EYA4: variants seen among roughly 807,000 people sequenced by gnomAD.
EYA4 encodes the protein protein phosphatase EYA4.
Under a neutral mutation model 87.9 loss-of-function variants are expected in EYA4, and 31 were observed. The observed-to-expected ratio is 0.35, with a 90% CI of 0.27 to 0.48. The LOEUF (loss-of-function observed/expected upper bound fraction) is 0.48. Among genes scored for constraint, EYA4 ranks in the 20% least tolerant of loss-of-function variants. EYA4 has a pLI of 0.99. For missense variants in EYA4, 678 were observed against 761.4 expected (o/e 0.89, Z 1.29); for synonymous variants, 263 against 270.6 (o/e 0.97, Z 0.28).
At chr6:133,249,359 C>T (rs773142766) in intron 1 of EYA4, among the ~76,000 whole-genome samples, 26 of 152,150 alleles carry the variant, frequency 1.7e-4, no homozygotes, top group Non-Finnish European at 2.5e-4. Context: ...CCTGGGGGCC[C>T]ATTCTGGACT....
At chr6:133,443,070 C>T (rs1302458240) in intron 3 of EYA4, among the ~76,000 whole-genome samples, 1 of 151,558 alleles carries the variant, frequency 6.6e-6, no homozygotes, top group East Asian at 1.9e-4. Flanking sequence ...AATATATATC[C>T]ATATTTTCTT....
At chr6:133,404,190 T>G (rs1788505928) in intron 3 of EYA4, among the ~76,000 whole-genome samples, 1 of 152,174 alleles carries the variant, frequency 6.6e-6, no homozygotes, top group Non-Finnish European at 1.5e-5. Flanking sequence ...GTTCACTTAT[T>G]TTTCTCAGTT....
chr6:133,468,845 G>A, intron 11 of EYA4, 114 bp downstream of exon 11: 2 of 1,054,406 alleles, frequency 1.9e-6, no homozygotes, highest in South Asian at 2.6e-5. Context: ...TTGTGCTGAT[G>A]TTTAATCTGT....
Position 133,523,138 on chromosome 6 carries a change from G to A in EYA4, c.1699G>A (p.Ala567Thr). 2 of 1,612,304 alleles carry A rather than the reference G, an allele frequency of 1.2e-6. No individual in the cohort carries two copies. The highest frequency in any genetic ancestry group is 1.7e-6 in the Non-Finnish European group (2 of 1,178,616). ...AKVLLYSLGG[A>T]FPIENIYSAT... Reference sequence around the variant, plus strand: ...GGTTCTACTCTATAGTTTAGGAGGTGCTTTCCCCATTGAGAATATTTACAG... The same window carrying A: ...GGTTCTACTCTATAGTTTAGGAGGTACTTTCCCCATTGAGAATATTTACAG... The change falls in exon 18 of 20, where the codon GCT (alanine) becomes ACT (threonine). Residue 567 changes from alanine to threonine, a missense_variant. By Grantham distance (58) the Ala-to-Thr change is moderately conservative. Coordinates refer to ENST00000355286, the MANE Select transcript of EYA4 (RefSeq NM_004100.5).
intron 13 of EYA4, among the ~76,000 whole-genome samples, chr6:133,487,066 A>C (rs1255299956): frequency 6.6e-6 from 1 of 152,186 alleles, no homozygotes; most frequent in Non-Finnish European, 1.5e-5. Flanking sequence ...GCACAGAGAG[A>C]GAATCTGTGC....
chr6:133,289,516 A>G (rs987361347), intron 2 of EYA4, among the ~76,000 whole-genome samples: 10 of 152,190 alleles, frequency 6.6e-5, no homozygotes, highest in African/African-American at 2.2e-4. Context: ...TTGAAAATTT[A>G]TTTTATTTTG....
chr6:133,478,690 C>G (rs143458821), intron 11 of EYA4, among the ~76,000 whole-genome samples: 72 of 152,192 alleles, frequency 4.7e-4, no homozygotes, highest in African/African-American at 1.6e-3. Context: ...ATATTTTGTC[C>G]AAATTCTTAG....
chr6:133,445,035 C>T (rs1188021258), intron 3 of EYA4, among the ~76,000 whole-genome samples: 2 of 151,964 alleles, frequency 1.3e-5, no homozygotes, highest in Non-Finnish European at 2.9e-5. Context: ...CTTTTTTTGG[C>T]TTCTTGGGGT....
intron 1 of EYA4, among the ~76,000 whole-genome samples, chr6:133,261,006 T>G (rs1775758749): frequency 6.6e-6 from 1 of 152,244 alleles, no homozygotes; most frequent in Admixed American, 6.5e-5. Context: ...CAATTTCTCA[T>G]GAATTAAGGT....
At chr6:133,464,701 AC>A in intron 9 of EYA4, 77 bp from the exon 10 acceptor site, 1 of 936,986 alleles carries the variant, frequency 1.1e-6, no homozygotes, top group East Asian at 2.5e-5. Context: ...TGTTTCTCTC[AC>A]AGAATTCTGC....
At chr6:133,299,927 C>CTATATATATA (rs1562263780) in intron 2 of EYA4, among the ~76,000 whole-genome samples, 11 of 76,132 alleles carry the variant, frequency 1.4e-4, no homozygotes, top group African/African-American at 5.6e-4. Flanking sequence ...ATAAAGATCT[C>CTATATATATA]TATCTATCTA....
At chr6:133,247,324 G>A (rs184033511) in intron 1 of EYA4, 1 of 152,326 alleles carries the variant, frequency 6.6e-6, no homozygotes, top group African/African-American at 2.4e-5. Context: ...TAACTAACAT[G>A]TGGAATCTTC....
chr6:133,384,100 T>C (rs1216677046), intron 3 of EYA4, among the ~76,000 whole-genome samples: 12 of 152,180 alleles, frequency 7.9e-5, no homozygotes, highest in Admixed American at 6.5e-4. Flanking sequence ...CTACTCAGGA[T>C]TTTTGGGCAG....
rs1003709838 is a variant in EYA4, at chr6:133,518,853, C to T, written c.1616+3418C>T. On this transcript the variant is annotated intron_variant, in intron 17 of 19. Transcript: ENST00000355286. ...CAGGATTAAGAATCTCACTCGAAACCGCTCAACTACATGGAAACTGAACAA... is the reference window on the plus strand; with the variant it reads ...CAGGATTAAGAATCTCACTCGAAACTGCTCAACTACATGGAAACTGAACAA... 2.3e-3 allele frequency among the ~76,000 whole-genome samples: 343 copies of T among 152,108 alleles called. 1 individual carries two copies. Among genetic ancestry groups the T allele is most frequent in the Admixed American group, 7.6e-3 (116 of 15,272 alleles).
At chr6:133,410,053 A>G (rs1789072980) in intron 3 of EYA4, among the ~76,000 whole-genome samples, 1 of 152,172 alleles carries the variant, frequency 6.6e-6, no homozygotes, top group African/African-American at 2.4e-5. Flanking sequence ...ACGTCAGCCT[A>G]TGCATATTAA....
chr6:133,387,667 A>G (rs910049229), intron 3 of EYA4, among the ~76,000 whole-genome samples: 1 of 152,228 alleles, frequency 6.6e-6, no homozygotes, highest in African/African-American at 2.4e-5. Flanking sequence ...CTTTCAAATT[A>G]TAAGGCATAC....
chr6:133,350,146 G>A (rs973722304), intron 2 of EYA4, among the ~76,000 whole-genome samples: 1 of 152,024 alleles, frequency 6.6e-6, no homozygotes, highest in African/African-American at 2.4e-5. Context: ...GATCTTTGAT[G>A]TTGACAGTCT....
intron 2 of EYA4, among the ~76,000 whole-genome samples, chr6:133,308,458 C>T (rs991675366): frequency 1.3e-5 from 2 of 152,126 alleles, no homozygotes; most frequent in Non-Finnish European, 2.9e-5. Flanking sequence ...TTGTTTGATG[C>T]TTAGGTTTGG....
At chr6:133,375,713 T>C (rs1461971056) in intron 2 of EYA4, among the ~76,000 whole-genome samples, 1 of 151,908 alleles carries the variant, frequency 6.6e-6, no homozygotes. Context: ...ATTCCTGGAA[T>C]AAAGCTGGAA....
Sources: gnomAD v4.1 joint callset for allele counts (sites outside exome capture counted in the v4.1 genomes callset) on GRCh38, gnomAD v4.1.1 for gene constraint, MANE v1.5 for transcripts, NCBI Gene and HGNC (gene_info 2026-07-23, HGNC 2026-07-21) for gene names.